SERPINE3: variants seen among roughly 807,000 people sequenced by gnomAD.
The protein encoded by SERPINE3 is serpin family E member 3, also known as serpin E3.
In SERPINE3, 43 loss-of-function variants were observed where a neutral mutation model predicts 41.7. The observed-to-expected ratio is 1.03, with a 90% CI of 0.81 to 1.33. The LOEUF (loss-of-function observed/expected upper bound fraction) is 1.33. SERPINE3 is among the 40% of genes most tolerant of loss of function. The probability of loss-of-function intolerance (pLI) is 0.00; values close to 1 mark genes in which losing one functional copy is unlikely to be tolerated. For missense variants in SERPINE3, 440 were observed against 491.7 expected, an observed-to-expected ratio of 0.89 and a Z score of 0.99; for synonymous variants, 200 against 192.2, an observed-to-expected ratio of 1.04 and a Z score of -0.34.
chr13:51,362,143 T>G, intron 9 of SERPINE3: 1 of 1,186,802 alleles, frequency 8.4e-7, no homozygotes, highest in Non-Finnish European at 1.1e-6. Flanking sequence ...GTAGATTTTT[T>G]TTTTTAATGC....
intron 1 of SERPINE3, 58 bp from the exon 2 acceptor site, chr13:51,340,726 T>C: frequency 3.4e-6 from 1 of 293,536 alleles, no homozygotes; most frequent in Non-Finnish European, 6.4e-6. Context: ...GAACAATGAG[T>C]AGGATTACCT....
At chr13:51,359,073 AC>A (rs1488503704) in intron 7 of SERPINE3, among the ~76,000 whole-genome samples, 1 of 151,998 alleles carries the variant, frequency 6.6e-6, no homozygotes, top group East Asian at 1.9e-4. Context: ...TAATCATGGA[AC>A]CCTTTTACAG....
In SERPINE3 at chr13:51,344,390, C is replaced by G. The variant is rs747512948; in HGVS notation, c.395C>G (p.Ser132Cys). The change falls in exon 4 of 10, where the codon TCC becomes TGC. Residue 132 changes from serine to cysteine, a missense_variant. Ser to Cys is a moderately radical substitution (Grantham distance 112). Transcript: ENST00000681248. The part of the protein sequence containing the change: ...PLSPCFVEHV[S>C]WWANSSLEPA... ...TCCCCCTGCTTTGTGGAGCACGTCT[C>G]CTGGTGGGCTAACAGCAGCCTGGAA... is the stretch of plus-strand genomic sequence containing the variant. 8 of 1,612,568 alleles carry G rather than the reference C, an allele frequency of 5.0e-6. No homozygotes were observed. The highest frequency in any genetic ancestry group is 6.8e-6 in the Non-Finnish European group (8 of 1,179,364).
chr13:51,352,758 C>A (rs754326981), intron 6 of SERPINE3, among the ~76,000 whole-genome samples: 7 of 151,966 alleles, frequency 4.6e-5, no homozygotes, highest in Non-Finnish European at 1.0e-4. Context: ...AAGGAAGTTA[C>A]CTTCTATCCA....
At chr13:51,364,138 T>C in intron 9 of SERPINE3, 101 bp from the exon 10 acceptor site, 2 of 518,598 alleles carry the variant, frequency 3.9e-6, no homozygotes, top group Non-Finnish European at 6.5e-6. Flanking sequence ...TATTAAATGT[T>C]ATCTTGCATT....
intron 3 of SERPINE3, among the ~76,000 whole-genome samples, chr13:51,342,578 G>T (rs1425227101): frequency 2.0e-5 from 3 of 152,098 alleles, no homozygotes; most frequent in Non-Finnish European, 4.4e-5. Flanking sequence ...CTAGGCTAGG[G>T]CAGAGAAAAG....
chr13:51,360,740 T>G (rs1955561558), intron 7 of SERPINE3, among the ~76,000 whole-genome samples: 1 of 152,104 alleles, frequency 6.6e-6, no homozygotes, highest in South Asian at 2.1e-4. Flanking sequence ...ACATTCATAT[T>G]ACTCTGAATT....
chr13:51,349,935 TA>T (rs1955388572), intron 6 of SERPINE3, among the ~76,000 whole-genome samples: 1 of 152,218 alleles, frequency 6.6e-6, no homozygotes, highest in East Asian at 1.9e-4. Context: ...TGTTTGTTTT[TA>T]AGCTAGCTTT....
At chr13:51,360,843 A>C (rs935777288) in intron 7 of SERPINE3, among the ~76,000 whole-genome samples, 2 of 151,994 alleles carry the variant, frequency 1.3e-5, no homozygotes, top group African/African-American at 4.8e-5. Flanking sequence ...AAGGGAAATG[A>C]TCTCTGAAGC....
chr13:51,344,972 A>G (rs1955331501), intron 4 of SERPINE3, among the ~76,000 whole-genome samples: 1 of 152,140 alleles, frequency 6.6e-6, no homozygotes, highest in Non-Finnish European at 1.5e-5. Context: ...GAAGAAAGAG[A>G]CTTACAAACA....
intron 6 of SERPINE3, 200 bp downstream of exon 6, chr13:51,348,611 G>C: frequency 4.1e-6 from 2 of 485,260 alleles, no homozygotes; most frequent in African/African-American, 3.5e-5. Flanking sequence ...CTAGCTCACA[G>C]CACAGACTGA....
rs1955449992 is a variant in SERPINE3 at position 51,354,475 on chromosome 13, G to T, written c.900-568G>T. ...TATTAAGAAATACAAATGAATTGGA[G>T]CCTGGCACAGTGGGGCACACCTGCA... On this transcript the variant is annotated intron_variant, in intron 6 of 9. Coordinates refer to ENST00000681248, the MANE Select transcript of SERPINE3 (RefSeq NM_001386375.1). 2 of 152,014 alleles carry T rather than the reference G, an allele frequency of 1.3e-5. 1 individual carries two copies. Among genetic ancestry groups the T allele is most frequent in the South Asian group, 4.2e-4 (2 of 4,802 alleles). The allele number at this position is 152,014 out of a possible 1,614,324, so 9.4% of individuals were successfully genotyped here. A position where few individuals can be genotyped will look rare whatever the true frequency, so the allele number is the denominator to read the frequency against.
At chr13:51,343,769 A>G (rs1224657157) in intron 3 of SERPINE3, among the ~76,000 whole-genome samples, 2 of 152,220 alleles carry the variant, frequency 1.3e-5, no homozygotes, top group East Asian at 3.8e-4. Context: ...ATGGATTTAA[A>G]GCCCCGTACA....
Position 51,347,057 on chromosome 13 carries a change from C to A in SERPINE3, c.523C>A (p.Pro175Thr). Reference protein sequence around the residue: ...GGPSEGPGGWPWEQVSAAFAQ... With the variant: ...GGPSEGPGGWTWEQVSAAFAQ... ...CCCCAGTGAGGGCCCTGGTGGCTGG[C>A]CGTGGGAGCAAGTCAGTGCAGCATT... is the stretch of plus-strand genomic sequence containing the variant. The change falls in exon 5 of 10, where the codon CCG becomes ACG. Residue 175 changes from proline (P) to threonine (T), a missense_variant. Pro to Thr is a conservative substitution (Grantham distance 38). Coordinates refer to ENST00000681248, the MANE Select transcript of SERPINE3 (RefSeq NM_001386375.1). 1.9e-6 allele frequency: 3 copies of A among 1,594,770 alleles called. No individual in the cohort carries two copies. Among genetic ancestry groups the A allele is most frequent in the Non-Finnish European group, 2.6e-6 (3 of 1,170,536 alleles).
intron 8 of SERPINE3, 128 bp downstream of exon 8, chr13:51,361,492 A>T (rs2137828590): frequency 1.5e-6 from 1 of 671,092 alleles, no homozygotes; most frequent in East Asian, 2.8e-5. Context: ...AGTATTTTTT[A>T]AAAAGGAACA....
chr13:51,360,617 A>G (rs1164829347), intron 7 of SERPINE3, among the ~76,000 whole-genome samples: 1 of 152,090 alleles, frequency 6.6e-6, no homozygotes, highest in Non-Finnish European at 1.5e-5. Context: ...CTGTTAGCAC[A>G]TAGAACATTT....
intron 5 of SERPINE3, among the ~76,000 whole-genome samples, chr13:51,347,934 T>C (rs942300199): frequency 2.7e-5 from 4 of 150,042 alleles, no homozygotes; most frequent in Admixed American, 2.6e-4. Flanking sequence ...CACTACTCTA[T>C]GTGGTTCTGC....
At chr13:51,341,025 T>C (rs1484738300) in intron 2 of SERPINE3, 50 bp from the exon 3 acceptor site, 1 of 1,569,454 alleles carries the variant, frequency 6.4e-7, no homozygotes, top group Non-Finnish European at 8.7e-7. Context: ...ATGGCCCTCT[T>C]TCATCACCAG....
chr13:51,355,791 A>T (rs961993102), intron 7 of SERPINE3, among the ~76,000 whole-genome samples: 1 of 149,658 alleles, frequency 6.7e-6, no homozygotes, highest in African/African-American at 2.6e-5. Context: ...CCTATGTTCT[A>T]CAATCCTCTC....
Sources: allele counts gnomAD v4.1 joint callset (sites outside exome capture counted in the v4.1 genomes callset), GRCh38; gene constraint gnomAD v4.1.1; transcripts MANE v1.5; gene names NCBI Gene and HGNC (gene_info 2026-07-23, HGNC 2026-07-21).